BTAF1: variants seen among roughly 807,000 people sequenced by gnomAD.
BTAF1 encodes TATA-binding protein-associated factor 172.
BTAF1 carries 38 observed loss-of-function variants against 227.1 expected under a neutral mutation model. That is an observed-to-expected ratio of 0.17 (90% CI 0.13 to 0.22). BTAF1 has a LOEUF of 0.22. Among genes scored for constraint, BTAF1 ranks in the 10% least tolerant of loss-of-function variants. The probability of loss-of-function intolerance (pLI) is 1.00; values close to 1 mark genes in which losing one functional copy is unlikely to be tolerated. For synonymous variants in BTAF1, 742 were observed against 751.9 expected (o/e 0.99, Z 0.21); for missense variants, 1,598 against 2,204.0 (o/e 0.73, Z 5.51).
At chr10:91,941,161 T>C (rs915666395) in intron 3 of BTAF1, among the ~76,000 whole-genome samples, 1 of 152,248 alleles carries the variant, frequency 6.6e-6, no homozygotes, top group African/African-American at 2.4e-5. Flanking sequence ...TTATAACTTG[T>C]TTTAGAAAAG....
At chr10:91,996,951 T>G (rs1849181640) in intron 24 of BTAF1, 1 of 420,782 alleles carries the variant, frequency 2.4e-6, no homozygotes, top group African/African-American at 2.1e-5. Context: ...CATTTTATGT[T>G]TTTAAAGTTT....
chr10:91,951,993 G>A (rs1845796224), intron 5 of BTAF1, among the ~76,000 whole-genome samples: 1 of 151,598 alleles, frequency 6.6e-6, no homozygotes, highest in Non-Finnish European at 1.5e-5. Context: ...AACCGAGAAA[G>A]GGTATATAAT....
At chr10:91,986,974 C>G (rs887721567) in intron 19 of BTAF1, among the ~76,000 whole-genome samples, 1 of 152,028 alleles carries the variant, frequency 6.6e-6, no homozygotes, top group African/African-American at 2.4e-5. Context: ...CGATCTTTGT[C>G]TCTTGCACCA....
At chr10:91,962,025 C>G (rs1379614733) in intron 11 of BTAF1, among the ~76,000 whole-genome samples, 1 of 151,664 alleles carries the variant, frequency 6.6e-6, no homozygotes, top group Non-Finnish European at 1.5e-5. Context: ...TACTTGATGC[C>G]CTTGTCTTTT....
intron 5 of BTAF1, 125 bp from the exon 6 acceptor site, chr10:91,953,612 C>CA (rs1845908711): frequency 9.2e-7 from 1 of 1,083,378 alleles, no homozygotes; most frequent in Non-Finnish European, 1.3e-6. Context: ...GTGAACCTGT[C>CA]AAAAAAGAAT....
chr10:91,956,391 A>T (rs1414859282), intron 6 of BTAF1, 137 bp from the exon 7 acceptor site: 1 of 1,111,892 alleles, frequency 9.0e-7, no homozygotes, highest in African/African-American at 1.7e-5. Context: ...ATATAAGCAG[A>T]ATATGGTGTA....
At chr10:91,991,797 G>GTGTGTATA (rs1554860529) in intron 20 of BTAF1, among the ~76,000 whole-genome samples, 10 of 10,010 alleles carry the variant, frequency 1.0e-3, no homozygotes, top group African/African-American at 1.6e-3. Context: ...GTGTGTGTGT[G>GTGTGTATA]TATATATATA....
At chr10:92,025,645 A>C (rs544885599) in intron 35 of BTAF1, among the ~76,000 whole-genome samples, 2 of 151,882 alleles carry the variant, frequency 1.3e-5, no homozygotes, top group Non-Finnish European at 2.9e-5. Context: ...TGTCTCTACT[A>C]AAAATATAAA....
chr10:91,988,090 A>C (rs892121779), intron 19 of BTAF1, among the ~76,000 whole-genome samples: 31 of 152,154 alleles, frequency 2.0e-4, no homozygotes, highest in African/African-American at 7.0e-4. Flanking sequence ...CTCCTCTGAC[A>C]AGTCTCCCAC....
chr10:92,022,139 A>C (rs1034132051), intron 34 of BTAF1, among the ~76,000 whole-genome samples: 1 of 152,186 alleles, frequency 6.6e-6, no homozygotes, highest in South Asian at 2.1e-4. Flanking sequence ...ATACCAGAGT[A>C]TCAATTCTGC....
chr10:91,985,474 C>A (rs1283675722), intron 19 of BTAF1, among the ~76,000 whole-genome samples: 3 of 152,084 alleles, frequency 2.0e-5, no homozygotes, highest in African/African-American at 7.2e-5. Flanking sequence ...TTGTGGACAT[C>A]TGCTTTCATT....
At chr10:92,000,458 T>G (rs935925958) in intron 25 of BTAF1, among the ~76,000 whole-genome samples, 1 of 152,230 alleles carries the variant, frequency 6.6e-6, no homozygotes, top group Non-Finnish European at 1.5e-5. Context: ...GGATTAGAAT[T>G]GAAAGTGCGC....
intron 14 of BTAF1, 87 bp from the exon 15 acceptor site, chr10:91,980,367 A>G: frequency 1.0e-6 from 1 of 961,060 alleles, no homozygotes; most frequent in Non-Finnish European, 1.6e-6. Flanking sequence ...TCATGGTAGT[A>G]CTTTTGTTAT....
intron 14 of BTAF1, among the ~76,000 whole-genome samples, chr10:91,968,504 C>G (rs1564681532): frequency 6.6e-6 from 1 of 152,178 alleles, no homozygotes; most frequent in Non-Finnish European, 1.5e-5. Flanking sequence ...TACAAACATT[C>G]ACGTGCAGGT....
intron 1 of BTAF1, among the ~76,000 whole-genome samples, chr10:91,929,965 G>A (rs1844163501): frequency 6.6e-6 from 1 of 152,140 alleles, no homozygotes; most frequent in Non-Finnish European, 1.5e-5. Flanking sequence ...AAAAGTAGAA[G>A]AGGCATTAAT....
At chr10:91,927,335 T>G (rs1843925731) in intron 1 of BTAF1, among the ~76,000 whole-genome samples, 1 of 151,972 alleles carries the variant, frequency 6.6e-6, no homozygotes, top group African/African-American at 2.4e-5. Flanking sequence ...ATGGGGTTTC[T>G]CCATGTTGGT....
At chr10:92,006,186 T>G (rs1313923033) in intron 25 of BTAF1, among the ~76,000 whole-genome samples, 2 of 152,202 alleles carry the variant, frequency 1.3e-5, no homozygotes, top group Non-Finnish European at 2.9e-5. Context: ...GGCCATTCAG[T>G]CTGTTGCAAT....
chr10:91,943,526 G>A (rs549208649), intron 4 of BTAF1, among the ~76,000 whole-genome samples: 7 of 152,138 alleles, frequency 4.6e-5, no homozygotes, highest in South Asian at 2.1e-4. Flanking sequence ...CTAATTAATC[G>A]TCATTTAGAG....
At chr10:92,021,144 T>G (rs1851092626) in intron 34 of BTAF1, among the ~76,000 whole-genome samples, 1 of 152,208 alleles carries the variant, frequency 6.6e-6, no homozygotes, top group Admixed American at 6.5e-5. Context: ...AGAGGAGAAG[T>G]CTTACTTGCT....
Sources: gnomAD v4.1 joint callset for allele counts (sites outside exome capture counted in the v4.1 genomes callset) on GRCh38, gnomAD v4.1.1 for gene constraint, MANE v1.5 for transcripts, NCBI Gene and HGNC (gene_info 2026-07-23, HGNC 2026-07-21) for gene names.